GLS: variants seen among roughly 807,000 people sequenced by gnomAD.
GLS encodes the protein glutaminase.
A neutral mutation model predicts 86.7 loss-of-function variants in GLS; 36 were observed. That is an observed-to-expected ratio of 0.42 (90% confidence interval 0.32 to 0.55). GLS has a LOEUF of 0.55. GLS is among the 20% of genes least tolerant of loss of function. The pLI, the probability that GLS is intolerant of heterozygous loss-of-function variation, is 0.17. For missense variants in GLS, 528 were observed against 833.4 expected (o/e 0.63, Z 4.51); for synonymous variants, 317 against 305.9 (o/e 1.04, Z -0.38).
rs1345960600 is a variant in GLS at position 190,956,616 on chromosome 2, TA to T, written c.1853+1799del. Among the ~76,000 whole-genome samples the T allele has an allele frequency of 7.9e-5, 12 of 152,158 alleles. No homozygotes were observed. The highest frequency in any genetic ancestry group is 1.3e-4 in the Admixed American group (2 of 15,270). ...TTTTGGTTATATATGAAATTTAAGGTATTTTTTTTCTAATTCTGTGAAGAAA... is the reference window on the plus strand; with the variant it reads ...TTTTGGTTATATATGAAATTTAAGGTTTTTTTTTCTAATTCTGTGAAGAAA... On this transcript the variant is annotated intron_variant, in intron 17 of 17. Coordinates refer to ENST00000320717, the MANE Select transcript of GLS (RefSeq NM_014905.5). The surrounding 1 kb of genome is among the most constrained non-coding windows in gnomAD (Gnocchi z 4.2).
rs530184118 is a variant in GLS at position 190,900,074 on chromosome 2, G to A, written c.606-490G>A. ...ACATAAATTAATCTGACTAAACAAA[G>A]TTGATATAATTAAGGAAAATATGTT... On this transcript the variant is annotated intron_variant, in intron 3 of 17. Coordinates refer to ENST00000320717, the MANE Select transcript of GLS (RefSeq NM_014905.5). Among the ~76,000 whole-genome samples the A allele has an allele frequency of 4.6e-5, 7 of 152,174 alleles. No homozygotes were observed. The South Asian group carries it at 1.5e-3, about 32-fold the overall frequency.
chr2:190,906,392 AAAAC>A (rs1689137148), intron 6 of GLS, among the ~76,000 whole-genome samples: 1 of 152,202 alleles, frequency 6.6e-6, no homozygotes, highest in Non-Finnish European at 1.5e-5. Context: ...CAGAAACAAA[AAAAC>A]AAAATGGGCT....
At chr2:190,906,220 G>T (rs779746581) in intron 6 of GLS, among the ~76,000 whole-genome samples, 2 of 151,928 alleles carry the variant, frequency 1.3e-5, no homozygotes, top group Non-Finnish European at 2.9e-5. Context: ...AATATTGAAA[G>T]AATTAATACT....
At chr2:190,942,337 C>T (rs921008289) in intron 14 of GLS, among the ~76,000 whole-genome samples, 1 of 151,980 alleles carries the variant, frequency 6.6e-6, no homozygotes, top group Admixed American at 6.6e-5. Context: ...GCCTCGGTCT[C>T]CCAAAATGCT....
At chr2:190,907,732 T>C (rs1689210196) in intron 6 of GLS, among the ~76,000 whole-genome samples, 1 of 152,178 alleles carries the variant, frequency 6.6e-6, no homozygotes, top group Non-Finnish European at 1.5e-5. Context: ...CAACAAATTA[T>C]TTATATAGCT....
chr2:190,890,954 A>G (rs928284314), intron 1 of GLS, among the ~76,000 whole-genome samples: 1 of 152,146 alleles, frequency 6.6e-6, no homozygotes, highest in African/African-American at 2.4e-5. Flanking sequence ...GGTAATATGA[A>G]ATGTTATTTA....
intron 14 of GLS, chr2:190,932,864 GA>G: frequency 6.6e-7 from 1 of 1,504,730 alleles, no homozygotes; most frequent in Non-Finnish European, 8.9e-7. Flanking sequence ...AAAAGCTAAA[GA>G]AATGGGTTCT....
chr2:190,883,715 T>C (rs530214720), intron 1 of GLS, among the ~76,000 whole-genome samples: 2 of 152,348 alleles, frequency 1.3e-5, no homozygotes, highest in African/African-American at 2.4e-5. Flanking sequence ...ATCTGTCTTA[T>C]ATGAAACTAT....
rs750647689 is a variant in GLS at position 190,949,994 on chromosome 2, AATATATAT to A, written c.1651-3562_1651-3555del. Among the ~76,000 whole-genome samples the A allele has an allele frequency of 1.3e-5, 2 of 148,168 alleles. No homozygotes were observed. Among genetic ancestry groups the A allele is most frequent in the Non-Finnish European group, 3.0e-5 (2 of 66,938 alleles). On this transcript the variant is annotated intron_variant, in intron 14 of 17. Transcript: ENST00000320717. The surrounding 1 kb of genome is among the most constrained non-coding windows in gnomAD (Gnocchi z 4.0). Reference sequence around the variant, plus strand: ...TTAAAAAGGATATAGTTAACAATACAATATATATATATATATGAAGGGGAAAAGCAAGG... The same window carrying A: ...TTAAAAAGGATATAGTTAACAATACAATATATATGAAGGGGAAAAGCAAGG...
chr2:190,916,054 CCT>C (rs1413789845), intron 7 of GLS, among the ~76,000 whole-genome samples: 1 of 152,078 alleles, frequency 6.6e-6, no homozygotes, highest in African/African-American at 2.4e-5. Flanking sequence ...GCAATTCACA[CCT>C]CTGTAAAAAT....
Position 190,881,191 on chromosome 2 carries a change from G to T in GLS, c.107G>T (p.Arg36Leu), listed in dbSNP as rs753286854. The T allele has an allele frequency of 1.5e-6, 2 of 1,318,618 alleles. No homozygotes were observed. The highest frequency in any genetic ancestry group is 1.9e-6 in the Non-Finnish European group (2 of 1,037,524). The allele number at this position is 1,318,618 out of a possible 1,614,324, so 81.7% of individuals were successfully genotyped here. A position where few individuals can be genotyped will look rare whatever the true frequency, so the allele number is the denominator to read the frequency against. The part of the protein sequence containing the change: ...RRAQPLVTLC[R>L]RPRGGGRPAA... ...GCACAGCCCTTGGTCACCCTGTGCC[G>T]GCGTCCCCGAGGCGGGGGACGGCCG... The change falls in exon 1 of 18, where the codon CGG becomes CTG. Residue 36 changes from arginine (R) to leucine (L), a missense_variant. Arg to Leu is a moderately radical substitution (Grantham distance 102, BLOSUM62 -2). Coordinates refer to ENST00000320717, the MANE Select transcript of GLS (RefSeq NM_014905.5).
rs1689422548 is a variant in GLS, at chr2:190,913,359, A to G, written c.1038+3038A>G. ...AATATTTAAAATTTTAAACAAAGCT[A>G]TATAGGTAAATACCTTTTTAAAAAC... is the stretch of plus-strand genomic sequence containing the variant. On this transcript the variant is annotated intron_variant, in intron 7 of 17. Transcript: ENST00000320717. This position sits in a 1 kb window ranked among gnomAD's most constrained non-coding sequence, Gnocchi z 6.1. 1 of 1,091,802 alleles carries G rather than the reference A, an allele frequency of 9.2e-7. No homozygotes were observed. The highest frequency in any genetic ancestry group is 1.7e-5 in the African/African-American group (1 of 60,302). The allele number at this position is 1,091,802 out of a possible 1,614,324, so 67.6% of individuals were successfully genotyped here.
chr2:190,895,571 T>C lies in GLS; in HGVS notation c.484-33T>C, dbSNP rs1408012976. 4.7e-6 allele frequency: 7 copies of C among 1,500,592 alleles called. No individual in the cohort carries two copies. The highest frequency in any genetic ancestry group is 2.3e-5 in the East Asian group (1 of 44,226). The allele number at this position is 1,500,592 out of a possible 1,614,324, so 93.0% of individuals were successfully genotyped here. On this transcript the variant is annotated intron_variant, in intron 2 of 17. Coordinates refer to ENST00000320717, the MANE Select transcript of GLS (RefSeq NM_014905.5). This position sits in a 1 kb window ranked among gnomAD's most constrained non-coding sequence, Gnocchi z 4.2. ...ATAAGCATATACATTATTTGCACTA[T>C]ATATTTACAAACTCTTATTTTTTTA...
At chr2:190,927,053 T>A (rs1228169669) in intron 11 of GLS, 8 of 355,226 alleles carry the variant, frequency 2.3e-5, no homozygotes, top group Middle Eastern at 7.4e-4. Context: ...TCTTAGTGTT[T>A]AGAGGCTGGC....
intron 1 of GLS, among the ~76,000 whole-genome samples, chr2:190,887,989 C>G (rs926808153): frequency 6.6e-6 from 1 of 152,070 alleles, no homozygotes; most frequent in Non-Finnish European, 1.5e-5. Flanking sequence ...AGGAAATAAG[C>G]CAAAATGACA....
At chr2:190,959,695 T>C (rs910800657) in intron 17 of GLS, among the ~76,000 whole-genome samples, 1 of 152,224 alleles carries the variant, frequency 6.6e-6, no homozygotes, top group Non-Finnish European at 1.5e-5. Flanking sequence ...GGACAGTGAT[T>C]GCTGGCAGGG....
rs1341461198 is a variant in GLS at position 190,935,028 on chromosome 2, T to G, written c.1650+3391T>G. On this transcript the variant is annotated intron_variant, in intron 14 of 17. Coordinates refer to ENST00000320717, the MANE Select transcript of GLS (RefSeq NM_014905.5). The surrounding 1 kb of genome is among the most constrained non-coding windows in gnomAD (Gnocchi z 4.2). The stretch of plus-strand genomic sequence containing the variant: ...GGGTTTGTTTTATGCCATTATTGAT[T>G]CTTGATATTCAAGCATTTACAATGT... 9.5e-6 allele frequency: 9 copies of G among 946,346 alleles called. No homozygotes were observed. Among genetic ancestry groups the G allele is most frequent in the Non-Finnish European group, 1.1e-5 (9 of 794,512 alleles). The allele number at this position is 946,346 out of a possible 1,614,324, so 58.6% of individuals were successfully genotyped here.
rs558592130 is a variant in GLS, at chr2:190,951,940, C to T, written c.1651-1625C>T. On this transcript the variant is annotated intron_variant, in intron 14 of 17. Transcript: ENST00000320717. This position sits in a 1 kb window ranked among gnomAD's most constrained non-coding sequence, Gnocchi z 4.2. ...AAATTATGGGCTGAGCATGTTGGCT[C>T]ATGCCTGTAATCCCAACAGTTTGGG... Among the ~76,000 whole-genome samples the T allele has an allele frequency of 6.6e-6, 1 of 152,334 alleles. No homozygotes were observed. Among genetic ancestry groups the T allele is most frequent in the South Asian group, 2.1e-4 (1 of 4,832 alleles).
At chr2:190,931,466 G>A in intron 13 of GLS, 79 bp from the exon 14 acceptor site, 2 of 614,478 alleles carry the variant, frequency 3.3e-6, no homozygotes, top group Non-Finnish European at 5.8e-6. Context: ...GACGATATAA[G>A]CAGAGTTTGT....
Sources: allele counts gnomAD v4.1 joint callset (sites outside exome capture counted in the v4.1 genomes callset), GRCh38; gene constraint gnomAD v4.1.1; non-coding constraint Gnocchi (gnomAD v3.1); transcripts MANE v1.5; gene names NCBI Gene and HGNC (gene_info 2026-07-23, HGNC 2026-07-21).